The following VPS50 variants were observed in gnomAD, a reference collection of about 807,000 sequenced individuals.
VPS50 encodes the protein syndetin.
VPS50 carries 70 observed loss-of-function variants against 139.7 expected under a neutral mutation model. The observed-to-expected ratio is 0.50, with a 90% confidence interval of 0.41 to 0.61. The LOEUF is 0.61. Among genes scored for constraint, VPS50 ranks in the 20% least tolerant of loss-of-function variants. The probability of loss-of-function intolerance (pLI) is 0.00; values close to 1 mark genes in which losing one functional copy is unlikely to be tolerated. For synonymous variants in VPS50, 365 were observed against 376.7 expected (o/e 0.97, Z 0.36); for missense variants, 921 against 1,133.7 (o/e 0.81, Z 2.69).
In VPS50 at chr7:93,360,105, A is replaced by T. The variant is rs1164705879; in HGVS notation, c.*1669A>T. 6.6e-6 allele frequency: 1 copy of T among 152,140 alleles called. No homozygotes were observed. Among genetic ancestry groups the T allele is most frequent in the Non-Finnish European group, 1.5e-5 (1 of 68,026 alleles). 9.4% of individuals were successfully genotyped at this position (152,140 alleles called of 1,614,324 possible). On this transcript the variant is annotated 3_prime_UTR_variant, in exon 28 of 28. Transcript: ENST00000305866. ...AATGGCATATTTAGCTGGGCACATAAAGAGCTAATCAATCTTTTAAAATTT... is the reference window on the plus strand; with the variant it reads ...AATGGCATATTTAGCTGGGCACATATAGAGCTAATCAATCTTTTAAAATTT...
intron 24 of VPS50, 75 bp downstream of exon 24, chr7:93,348,882 GTTT>G (rs963841208): frequency 9.5e-7 from 1 of 1,050,046 alleles, no homozygotes; most frequent in Middle Eastern, 2.1e-4. Flanking sequence ...ATTTTTTGTT[GTTT>G]TTTTTAACTG....
chr7:93,258,120 A>G (rs372591940), intron 6 of VPS50, 39 bp from the exon 7 acceptor site: 2 of 813,188 alleles, frequency 2.5e-6, no homozygotes, highest in African/African-American at 3.5e-5. Context: ...TTCTTATTAT[A>G]ATAAAAAACT....
chr7:93,247,978 T>A (rs1221281872), intron 2 of VPS50, among the ~76,000 whole-genome samples: 1 of 152,074 alleles, frequency 6.6e-6, no homozygotes, highest in Non-Finnish European at 1.5e-5. Flanking sequence ...GCTTAGTTGA[T>A]TACCATTGAC....
At chr7:93,257,910 T>G (rs1255373306) in intron 6 of VPS50, 2 of 330,118 alleles carry the variant, frequency 6.1e-6, no homozygotes, top group Non-Finnish European at 1.1e-5. Context: ...TTTTAAGCGC[T>G]TATTCTCAGT....
At chr7:93,351,243 T>C (rs1049991814) in intron 25 of VPS50, among the ~76,000 whole-genome samples, 1 of 152,150 alleles carries the variant, frequency 6.6e-6, no homozygotes, top group African/African-American at 2.4e-5. Context: ...TCAGAGACCA[T>C]TGACCTTGAA....
chr7:93,291,882 C>G, intron 13 of VPS50, 47 bp downstream of exon 13: 1 of 1,302,728 alleles, frequency 7.7e-7, no homozygotes, highest in Non-Finnish European at 1.1e-6. Flanking sequence ...CTATAAATAT[C>G]CCACATTACT....
intron 16 of VPS50, among the ~76,000 whole-genome samples, 189 bp downstream of exon 16, chr7:93,297,432 T>C (rs1048471245): frequency 6.6e-6 from 1 of 152,168 alleles, no homozygotes; most frequent in African/African-American, 2.4e-5. Context: ...ACATATTCAT[T>C]GTACATTTTA....
chr7:93,297,437 A>C (rs570085075), intron 16 of VPS50, among the ~76,000 whole-genome samples, 194 bp downstream of exon 16: 190 of 152,216 alleles, frequency 1.2e-3, no homozygotes, highest in Middle Eastern at 6.8e-3. Flanking sequence ...TTCATTGTAC[A>C]TTTTAATATA....
intron 16 of VPS50, among the ~76,000 whole-genome samples, chr7:93,297,725 A>G (rs1796852848): frequency 6.6e-6 from 1 of 152,132 alleles, no homozygotes; most frequent in South Asian, 2.1e-4. Flanking sequence ...TTGCAAAACA[A>G]TCACTGCTAA....
At chr7:93,271,729 T>G (rs1251769461) in intron 10 of VPS50, among the ~76,000 whole-genome samples, 1 of 151,720 alleles carries the variant, frequency 6.6e-6, no homozygotes, top group Non-Finnish European at 1.5e-5. Context: ...TATGTAATTA[T>G]GAGCATGAAG....
chr7:93,245,038 C>T (rs762042992), intron 2 of VPS50, among the ~76,000 whole-genome samples: 9 of 151,870 alleles, frequency 5.9e-5, no homozygotes, highest in Non-Finnish European at 1.2e-4. Flanking sequence ...AGGTACAAGA[C>T]TGTTCCTAAC....
intron 12 of VPS50, among the ~76,000 whole-genome samples, chr7:93,286,993 GTTTT>G (rs78030975): frequency 0.033 from 4,091 of 123,746 alleles, 183 homozygotes; most frequent in African/African-American, 0.1. Flanking sequence ...TGAAAACGTT[GTTTT>G]TTTTTTTTTT....
At chr7:93,334,092 T>C in intron 21 of VPS50, 25 bp from the exon 22 acceptor site, 4 of 1,305,984 alleles carry the variant, frequency 3.1e-6, no homozygotes, top group Non-Finnish European at 4.4e-6. Flanking sequence ...TTTAGAACGA[T>C]ATAACAAGCC....
chr7:93,291,499 A>T (rs928937584), intron 12 of VPS50, among the ~76,000 whole-genome samples: 2 of 152,060 alleles, frequency 1.3e-5, no homozygotes, highest in Non-Finnish European at 2.9e-5. Flanking sequence ...TGATATTCTT[A>T]ATGTGTACGA....
chr7:93,299,345 A>G (rs1413064362), intron 16 of VPS50, among the ~76,000 whole-genome samples: 2 of 152,228 alleles, frequency 1.3e-5, no homozygotes, highest in Non-Finnish European at 2.9e-5. Context: ...CCAGTGATGA[A>G]TCTAAATCTG....
intron 12 of VPS50, among the ~76,000 whole-genome samples, chr7:93,281,149 T>C (rs1341601854): frequency 6.6e-6 from 1 of 152,220 alleles, no homozygotes; most frequent in East Asian, 1.9e-4. Flanking sequence ...CTGAGCCATG[T>C]ACTTTTACAG....
Position 93,263,478 on chromosome 7 carries a change from G to A in VPS50, c.659+3846G>A, listed in dbSNP as rs373619227. The stretch of plus-strand genomic sequence containing the variant: ...TATTTTAAGCAAGTTTATATGCACA[G>A]TATACCTACTTGTCTACTTGTTAAT... On this transcript the variant is annotated intron_variant, in intron 9 of 27. Transcript: ENST00000305866. Among the ~76,000 whole-genome samples the A allele has an allele frequency of 5.1e-4, 77 of 152,272 alleles. No individual in the cohort carries two copies. In the South Asian group the frequency reaches 6.8e-3, roughly 14 times the overall value.
chr7:93,289,140 C>A (rs1584432070), intron 12 of VPS50, among the ~76,000 whole-genome samples: 1 of 152,156 alleles, frequency 6.6e-6, no homozygotes, highest in Non-Finnish European at 1.5e-5. Context: ...AGGAGCCTGA[C>A]TAGAGTTTGG....
At chr7:93,277,859 T>G (rs1796205565) in intron 12 of VPS50, among the ~76,000 whole-genome samples, 1 of 152,116 alleles carries the variant, frequency 6.6e-6, no homozygotes, top group South Asian at 2.1e-4. Context: ...GTTCTTACTT[T>G]GATAGTATAT....
Sources: gnomAD v4.1 joint callset for allele counts (sites outside exome capture counted in the v4.1 genomes callset) on GRCh38, gnomAD v4.1.1 for gene constraint, MANE v1.5 for transcripts, NCBI Gene and HGNC (gene_info 2026-07-23, HGNC 2026-07-21) for gene names.